Variants in GNB1 observed in about 807,000 individuals in gnomAD.
GNB1 encodes guanine nucleotide-binding protein G(I)/G(S)/G(T) subunit beta-1.
Under a neutral mutation model 42.9 loss-of-function variants are expected in GNB1, and 2 were observed. That is an observed-to-expected ratio of 0.05 (90% CI 0.02 to 0.15). The LOEUF (loss-of-function observed/expected upper bound fraction) is 0.15. Ranked by LOEUF, GNB1 falls within the 10% of genes least tolerant of loss-of-function variation. The probability of loss-of-function intolerance (pLI) is 1.00; values close to 1 mark genes in which losing one functional copy is unlikely to be tolerated. For missense variants in GNB1, 193 were observed against 462.2 expected (o/e 0.42, Z 5.34); for synonymous variants, 183 against 174.7 (o/e 1.05, Z -0.38).
intron 2 of GNB1, among the ~76,000 whole-genome samples, chr1:1,827,599 G>A (rs1212490276): frequency 1.3e-5 from 2 of 152,154 alleles, no homozygotes; most frequent in Admixed American, 6.5e-5. Context: ...ATTTGTGGAC[G>A]TTAATGTGTT....
chr1:1,826,990 C>T (rs1006424316), intron 2 of GNB1, among the ~76,000 whole-genome samples: 1 of 152,172 alleles, frequency 6.6e-6, no homozygotes, highest in African/African-American at 2.4e-5. Flanking sequence ...CATGCAAGTA[C>T]GGCTTATGCA....
intron 4 of GNB1, among the ~76,000 whole-genome samples, chr1:1,816,442 TC>T (rs1646857099): frequency 6.6e-6 from 1 of 152,234 alleles, no homozygotes; most frequent in Non-Finnish European, 1.5e-5. Flanking sequence ...AAACGGACAG[TC>T]CAAAGTGCTT....
intron 7 of GNB1, among the ~76,000 whole-genome samples, chr1:1,796,724 C>T (rs1646551727): frequency 6.6e-6 from 1 of 152,144 alleles, no homozygotes; most frequent in African/African-American, 2.4e-5. Flanking sequence ...TGAGGAGGTG[C>T]AAGGGCACAA....
rs969198079 is a variant in GNB1 at position 1,849,342 on chromosome 1, T to A, written c.-95-10104A>T. On this transcript the variant is annotated intron_variant, in intron 1 of 11. Coordinates refer to ENST00000378609, the MANE Select transcript of GNB1 (RefSeq NM_002074.5). ...TAACTGCAGTGTGATGGGATACACT[T>A]CTGCCTGAAGAACTTCCTCCATCTC... is the stretch of plus-strand genomic sequence containing the variant. 2.0e-5 allele frequency among the ~76,000 whole-genome samples: 3 copies of A among 152,186 alleles called. No individual in the cohort carries two copies. The East Asian group carries it at 5.8e-4, about 29-fold the overall frequency.
intron 1 of GNB1, among the ~76,000 whole-genome samples, chr1:1,844,047 T>C (rs1203539896): frequency 1.3e-5 from 2 of 151,802 alleles, no homozygotes; most frequent in Non-Finnish European, 2.9e-5. Context: ...TACAAAAAAT[T>C]AGCTGGGCGT....
At chr1:1,890,000 A>C (rs897981223) in intron 1 of GNB1, among the ~76,000 whole-genome samples, 5 of 152,066 alleles carry the variant, frequency 3.3e-5, no homozygotes, top group Admixed American at 6.5e-5. Context: ...CGGGCCCCGA[A>C]ACTCGGCGCG....
chr1:1,835,532 C>A (rs1647134544), intron 2 of GNB1, among the ~76,000 whole-genome samples: 2 of 152,154 alleles, frequency 1.3e-5, no homozygotes, highest in Non-Finnish European at 2.9e-5. Context: ...CAGAAAACTA[C>A]CTCCTGCCTC....
intron 9 of GNB1, among the ~76,000 whole-genome samples, chr1:1,789,817 A>G (rs925134776): frequency 1.3e-5 from 2 of 152,164 alleles, no homozygotes; most frequent in African/African-American, 4.8e-5. Flanking sequence ...TACTGTCCCC[A>G]AAGAGTAGAA....
intron 1 of GNB1, among the ~76,000 whole-genome samples, chr1:1,884,416 T>C (rs989269736): frequency 1.3e-5 from 2 of 151,968 alleles, no homozygotes; most frequent in South Asian, 2.1e-4. Flanking sequence ...TTCTCCATGT[T>C]GGTCAGGCTG....
intron 1 of GNB1, among the ~76,000 whole-genome samples, chr1:1,863,710 C>T (rs1231717523): frequency 6.6e-6 from 1 of 152,172 alleles, no homozygotes; most frequent in Non-Finnish European, 1.5e-5. Context: ...AGCAAACACC[C>T]AAATTTCAGA....
intron 1 of GNB1, among the ~76,000 whole-genome samples, chr1:1,862,110 T>C (rs1462442347): frequency 6.6e-6 from 1 of 152,064 alleles, no homozygotes; most frequent in Non-Finnish European, 1.5e-5. Flanking sequence ...TAATCCCAGC[T>C]ACTTGGGAGG....
chr1:1,886,807 G>A (rs143157031), intron 1 of GNB1, among the ~76,000 whole-genome samples: 1,565 of 152,296 alleles, frequency 0.01, 28 homozygotes, highest in African/African-American at 0.035. Flanking sequence ...CCGGGTTCCT[G>A]CCATTCTCCT....
Position 1,840,914 on chromosome 1 carries a change from C to G in GNB1, c.-95-1676G>C, listed in dbSNP as rs570976999. On this transcript the variant is annotated intron_variant, in intron 1 of 11. Coordinates refer to ENST00000378609, the MANE Select transcript of GNB1 (RefSeq NM_002074.5). ...TATTGTATTTTTTTTATTTTTGAGA[C>G]AGCAGTCTCGCTCTGTCACCAGGCT... is the stretch of plus-strand genomic sequence containing the variant. Among the ~76,000 whole-genome samples the G allele has an allele frequency of 2.6e-5, 4 of 152,276 alleles. No individual in the cohort carries two copies. The East Asian group carries it at 7.7e-4, about 29-fold the overall frequency.
chr1:1,805,058 T>C (rs368996770), intron 6 of GNB1, among the ~76,000 whole-genome samples: 3 of 152,078 alleles, frequency 2.0e-5, no homozygotes, highest in African/African-American at 7.2e-5. Flanking sequence ...GCTACTTGAG[T>C]GACTGGGGCA....
intron 1 of GNB1, among the ~76,000 whole-genome samples, chr1:1,889,599 C>G (rs1650353863): frequency 2.0e-5 from 3 of 151,452 alleles, no homozygotes; most frequent in Non-Finnish European, 4.4e-5. Flanking sequence ...ATCGCTTGAG[C>G]CCCAGAGTTC....
intron 10 of GNB1, chr1:1,788,028 C>CAAAAA (rs1195576405): frequency 1.4e-5 from 1 of 72,306 alleles, no homozygotes; most frequent in African/African-American, 5.0e-5. Flanking sequence ...GACTCCATCT[C>CAAAAA]AAAAAAAAAA....
Position 1,804,648 on chromosome 1 carries a change from T to C in GNB1, c.268-67A>G. On this transcript the variant is annotated intron_variant, in intron 6 of 11. Transcript: ENST00000378609. ...AAAAACAACACTGACACCAGGATTT[T>C]CTCATCTCCAACTTTCACTGCAAAG... The C allele has an allele frequency of 4.0e-6, 5 of 1,238,940 alleles. No homozygotes were observed. In the South Asian group the frequency reaches 5.9e-5, roughly 15 times the overall value. 76.7% of individuals were successfully genotyped at this position (1,238,940 alleles called of 1,614,324 possible).
chr1:1,850,359 C>T (rs1315863223), intron 1 of GNB1, among the ~76,000 whole-genome samples: 3 of 151,838 alleles, frequency 2.0e-5, no homozygotes, highest in African/African-American at 2.4e-5. Context: ...CTCGAACTCC[C>T]GACCTCAGGT....
intron 7 of GNB1, among the ~76,000 whole-genome samples, chr1:1,799,081 C>T (rs911451672): frequency 6.6e-6 from 1 of 152,104 alleles, no homozygotes; most frequent in Non-Finnish European, 1.5e-5. Flanking sequence ...CCACCTCGCC[C>T]GGCTAATTTT....
Sources: gnomAD v4.1 joint callset for allele counts (sites outside exome capture counted in the v4.1 genomes callset) on GRCh38, gnomAD v4.1.1 for gene constraint, MANE v1.5 for transcripts, NCBI Gene and HGNC (gene_info 2026-07-23, HGNC 2026-07-21) for gene names.